The following AGAP1 variants were observed in gnomAD, a reference collection of about 807,000 sequenced individuals.
AGAP1 encodes the protein ArfGAP with GTPase domain, ankyrin repeat and PH domain 1, also known as arf-GAP with GTPase, ANK repeat and PH domain-containing protein 1.
A neutral mutation model predicts 105.3 loss-of-function variants in AGAP1; 29 were observed. That is an observed-to-expected ratio of 0.28 (90% CI 0.21 to 0.38). The LOEUF is 0.38. AGAP1 is among the 10% of genes least tolerant of loss of function. AGAP1 has a pLI of 1.00. For missense variants in AGAP1, 998 were observed against 1,165.1 expected (o/e 0.86, Z 2.09); for synonymous variants, 509 against 485.9 (o/e 1.05, Z -0.63).
At chr2:235,695,142 A>G (rs962331266) in intron 1 of AGAP1, among the ~76,000 whole-genome samples, 5 of 152,212 alleles carry the variant, frequency 3.3e-5, no homozygotes, top group African/African-American at 1.2e-4. Flanking sequence ...TTCCTCCTTA[A>G]TTATGCTTGC....
chr2:235,531,131 A>C (rs1167936707), intron 1 of AGAP1, among the ~76,000 whole-genome samples: 1 of 152,222 alleles, frequency 6.6e-6, no homozygotes, highest in Admixed American at 6.5e-5. Context: ...ACTCAGCACA[A>C]GGAGTCTTAG....
Position 235,927,695 on chromosome 2 carries a change from A to G in AGAP1, c.1325-3070A>G, listed in dbSNP as rs2052521280. Among the ~76,000 whole-genome samples, 2 of 152,194 alleles carry G rather than the reference A, an allele frequency of 1.3e-5. 1 individual carries two copies. Among genetic ancestry groups the G allele is most frequent in the South Asian group, 4.1e-4 (2 of 4,830 alleles). On this transcript the variant is annotated intron_variant, in intron 11 of 17. Transcript: ENST00000304032. This position sits in a 1 kb window ranked among gnomAD's most constrained non-coding sequence, Gnocchi z 4.4. ...ATTGCAAGTAGTCAGTGATGGATGC[A>G]CTGAAATACTGTCCTCTGCCTTTTA...
chr2:235,749,790 ATCTT>A (rs1953279380), intron 5 of AGAP1, among the ~76,000 whole-genome samples: 1 of 152,132 alleles, frequency 6.6e-6, no homozygotes, highest in Non-Finnish European at 1.5e-5. Context: ...CATCACATTC[ATCTT>A]TCTTTTCTGC....
intron 6 of AGAP1, among the ~76,000 whole-genome samples, chr2:235,774,647 A>G (rs1955721809): frequency 6.6e-6 from 1 of 152,230 alleles, no homozygotes; most frequent in African/African-American, 2.4e-5. Flanking sequence ...GGCTGCTCGC[A>G]ATTACCCTAG....
intron 1 of AGAP1, among the ~76,000 whole-genome samples, chr2:235,580,998 T>A (rs905674533): frequency 1.3e-5 from 2 of 152,052 alleles, no homozygotes; most frequent in African/African-American, 4.8e-5. Flanking sequence ...ACTCTGATCC[T>A]TACAGTAATC....
intron 11 of AGAP1, among the ~76,000 whole-genome samples, chr2:235,928,108 AC>A (rs546740548): frequency 4.7e-4 from 72 of 152,030 alleles, no homozygotes; most frequent in Non-Finnish European, 6.3e-4. Flanking sequence ...CCCCAATCGC[AC>A]CCCCAGCTGC....
rs771714579 is a variant in AGAP1 at position 236,120,387 on chromosome 2, C to T, written c.2310C>T (p.Arg770=). The T allele has an allele frequency of 6.2e-7, 1 of 1,611,496 alleles. No homozygotes were observed. The highest frequency in any genetic ancestry group is 1.1e-5 in the South Asian group (1 of 91,006). Residue 770 remains arginine (R), a synonymous_variant, in exon 17 of 18, where the codon CGC becomes CGT. Transcript: ENST00000304032. The surrounding 1 kb of genome is among the most constrained non-coding windows in gnomAD (Gnocchi z 6.0). ...AGACCTGCGGGGAGGGAGACGGCCG[C>T]ACGGCGCTGCATCTGGCCTGCCGCA... ...VNETCGEGDG[R]TALHLACRKG...
In AGAP1 at chr2:235,788,247, T is replaced by G. The variant is rs1956768629; in HGVS notation, c.674-9512T>G. ...GAGACACAGGGTTCCAGACACAGCT[T>G]AATTCCTTCACGCTGGAGTATGACT... is the stretch of plus-strand genomic sequence containing the variant. On this transcript the variant is annotated intron_variant, in intron 6 of 17. Transcript: ENST00000304032. The surrounding 1 kb of genome is among the most constrained non-coding windows in gnomAD (Gnocchi z 6.0). Among the ~76,000 whole-genome samples the G allele has an allele frequency of 6.6e-6, 1 of 152,188 alleles. No individual in the cohort carries two copies.
chr2:235,770,746 T>C (rs1955379938), intron 6 of AGAP1, among the ~76,000 whole-genome samples: 1 of 152,138 alleles, frequency 6.6e-6, no homozygotes, highest in African/African-American at 2.4e-5. Context: ...TCACAGTCAG[T>C]GCTAGGATAA....
intron 13 of AGAP1, among the ~76,000 whole-genome samples, chr2:236,017,292 C>CA (rs1202844758): frequency 0.24 from 24,547 of 104,216 alleles, 2,383 homozygotes; most frequent in South Asian, 0.33. Context: ...GACTCCATCT[C>CA]AAAAAAAAAA....
At position 235,728,491 on chromosome 2, in the gene AGAP1, A is replaced by G. The variant is rs1025750919; in HGVS notation, c.310+10847A>G. On this transcript the variant is annotated intron_variant, in intron 3 of 17. Coordinates refer to ENST00000304032, the MANE Select transcript of AGAP1 (RefSeq NM_001037131.3). This position sits in a 1 kb window ranked among gnomAD's most constrained non-coding sequence, Gnocchi z 4.3. Reference sequence around the variant, plus strand: ...CAACTCACAGTGTAGTCCTTTATCCATGCTTGTTGGCTTCTGGAACGCACA... The same window carrying G: ...CAACTCACAGTGTAGTCCTTTATCCGTGCTTGTTGGCTTCTGGAACGCACA... Among the ~76,000 whole-genome samples the G allele has an allele frequency of 2.0e-5, 3 of 152,146 alleles. No individual in the cohort carries two copies. Among genetic ancestry groups the G allele is most frequent in the Admixed American group, 1.3e-4 (2 of 15,278 alleles).
At chr2:235,810,834 T>TC (rs556178982) in intron 9 of AGAP1, among the ~76,000 whole-genome samples, 1 of 68,472 alleles carries the variant, frequency 1.5e-5, no homozygotes, top group East Asian at 4.5e-4. Context: ...ATTCGGTTTC[T>TC]TTTTTTTTTT....
chr2:235,819,919 T>TTTG, intron 9 of AGAP1, among the ~76,000 whole-genome samples: 1 of 150,732 alleles, frequency 6.6e-6, no homozygotes, highest in Non-Finnish European at 1.5e-5. Context: ...TTTTTTTTTT[T>TTTG]TGAGACGGAG....
intron 1 of AGAP1, among the ~76,000 whole-genome samples, chr2:235,613,252 T>C (rs1037276017): frequency 3.3e-5 from 5 of 152,172 alleles, no homozygotes; most frequent in African/African-American, 1.2e-4. Context: ...TGCCTCGGCT[T>C]CCAAAAGTGC....
chr2:235,968,395 A>AT (rs1306604966), intron 12 of AGAP1, 67 bp from the exon 13 acceptor site: 2 of 1,532,588 alleles, frequency 1.3e-6, no homozygotes, highest in African/African-American at 2.8e-5. Context: ...GTTTCTGCGC[A>AT]TTCTGCTTTG....
At chr2:236,077,126 GAAA>G (rs200778447) in intron 16 of AGAP1, among the ~76,000 whole-genome samples, 2,321 of 117,462 alleles carry the variant, frequency 0.02, 86 homozygotes, top group African/African-American at 0.07. Flanking sequence ...AAAAAGAGTA[GAAA>G]AAAAAAAAAA....
chr2:236,087,987 C>G lies in AGAP1; in HGVS notation c.2115-32205C>G, dbSNP rs769168398. ...GAGACCTGCTTGGTATCCTTGGCCC[C>G]GGGGTCCAGGTTATTCAGTTTGTTG... On this transcript the variant is annotated intron_variant, in intron 16 of 17. Coordinates refer to ENST00000304032, the MANE Select transcript of AGAP1 (RefSeq NM_001037131.3). The surrounding 1 kb of genome is among the most constrained non-coding windows in gnomAD (Gnocchi z 5.7). Among the ~76,000 whole-genome samples the G allele has an allele frequency of 6.6e-6, 1 of 152,134 alleles. No individual in the cohort carries two copies. The highest frequency in any genetic ancestry group is 6.5e-5 in the Admixed American group (1 of 15,280).
In AGAP1 at chr2:235,967,433, G is replaced by C. The variant is rs73118048; in HGVS notation, c.1484-1029G>C. ...TCTGATGGACTCCAGGTTCTGGCCC[G>C]GCTGCCATGTCACTGCCACTCCACT... On this transcript the variant is annotated intron_variant, in intron 12 of 17. Coordinates refer to ENST00000304032, the MANE Select transcript of AGAP1 (RefSeq NM_001037131.3). The surrounding 1 kb of genome is among the most constrained non-coding windows in gnomAD (Gnocchi z 4.7). 6.6e-6 allele frequency among the ~76,000 whole-genome samples: 1 copy of C among 152,048 alleles called. No homozygotes were observed. Among genetic ancestry groups the C allele is most frequent in the South Asian group, 2.1e-4 (1 of 4,824 alleles).
intron 1 of AGAP1, among the ~76,000 whole-genome samples, chr2:235,636,288 A>G (rs1262093168): frequency 6.6e-6 from 1 of 152,102 alleles, no homozygotes; most frequent in Non-Finnish European, 1.5e-5. Flanking sequence ...CTGGGACTTT[A>G]TCTGGCTGTG....
Sources: gnomAD v4.1 joint callset for allele counts (sites outside exome capture counted in the v4.1 genomes callset) on GRCh38, gnomAD v4.1.1 for gene constraint, Gnocchi (gnomAD v3.1) non-coding constraint, MANE v1.5 for transcripts, NCBI Gene and HGNC (gene_info 2026-07-23, HGNC 2026-07-21) for gene names.